Variants in COL22A1 observed in about 807,000 individuals in gnomAD.
COL22A1 encodes the protein collagen alpha-1(XXII) chain.
A neutral mutation model predicts 248.9 loss-of-function variants in COL22A1; 221 were observed. The ratio of observed to expected loss-of-function variants is 0.89; its 90% confidence interval spans 0.80 to 0.99. The LOEUF (loss-of-function observed/expected upper bound fraction) is 0.99. Among genes scored for constraint, COL22A1 ranks in the 50% least tolerant of loss-of-function variants. The pLI, the probability that COL22A1 is intolerant of heterozygous loss-of-function variation, is 0.00. For synonymous variants in COL22A1, 891 were observed against 793.4 expected (o/e 1.12, Z -2.07); for missense variants, 2,240 against 2,179.0 (o/e 1.03, Z -0.56).
At chr8:138,877,424 G>C (rs1284404401) in intron 3 of COL22A1, among the ~76,000 whole-genome samples, 2 of 152,188 alleles carry the variant, frequency 1.3e-5, no homozygotes, top group Non-Finnish European at 2.9e-5. Context: ...GTAAAGATGA[G>C]ACACCAAGTA....
chr8:138,867,688 G>A (rs1823001608), intron 3 of COL22A1, among the ~76,000 whole-genome samples: 1 of 152,232 alleles, frequency 6.6e-6, no homozygotes, highest in African/African-American at 2.4e-5. Flanking sequence ...GACTGTGCCA[G>A]GCTGCAGTGG....
intron 3 of COL22A1, among the ~76,000 whole-genome samples, chr8:138,869,660 C>T (rs1000290828): frequency 2.0e-5 from 3 of 152,200 alleles, no homozygotes; most frequent in Non-Finnish European, 2.9e-5. Flanking sequence ...TAAAATTTCA[C>T]AGCACATAAT....
rs765721357 is a variant in COL22A1 at position 138,755,858 on chromosome 8, T to C, written c.1903-29A>G. 4 of 1,607,428 alleles carry C rather than the reference T, an allele frequency of 2.5e-6. No homozygotes were observed. In the Admixed American group the frequency reaches 5.0e-5, roughly 20 times the overall value. ...CACAGAAACGACAAACATTTCAGCA[T>C]AGTTACTGGTGCCACCTTCTGTGGC... On this transcript the variant is annotated intron_variant, in intron 18 of 64. Transcript: ENST00000303045.
chr8:138,773,967 C>T (rs895567560), intron 16 of COL22A1, among the ~76,000 whole-genome samples: 4 of 152,192 alleles, frequency 2.6e-5, no homozygotes, highest in African/African-American at 9.6e-5. Context: ...GACCCCTGCT[C>T]CCTCCAGCAC....
At position 138,619,519 on chromosome 8, in the gene COL22A1, G is replaced by C. The variant is rs770025846; in HGVS notation, c.3772-11C>G. The C allele has an allele frequency of 6.2e-7, 1 of 1,613,654 alleles. No individual in the cohort carries two copies. The highest frequency in any genetic ancestry group is 1.7e-5 in the Admixed American group (1 of 60,016). The stretch of plus-strand genomic sequence containing the variant: ...CTCTCCTGCTTTGCCCTGAGAGTAA[G>C]GAAGAAAAGAAGAGTTTGAGGACAA... On this transcript the variant is annotated splice_polypyrimidine_tract_variant and intron_variant, in intron 52 of 64. Coordinates refer to ENST00000303045, the MANE Select transcript of COL22A1 (RefSeq NM_152888.3).
At position 138,812,886 on chromosome 8, in the gene COL22A1, T is replaced by A. The variant is rs1442777359; in HGVS notation, c.1326+53A>T. ...CTAAGCTCTGGATTCCCCTTCCCTC[T>A]GGAGGCCACACACCCATTTCCTCCC... On this transcript the variant is annotated intron_variant, in intron 8 of 64. Coordinates refer to ENST00000303045, the MANE Select transcript of COL22A1 (RefSeq NM_152888.3). 2.2e-6 allele frequency: 3 copies of A among 1,349,020 alleles called. No individual in the cohort carries two copies. In the African/African-American group the frequency reaches 4.3e-5, roughly 19 times the overall value. 83.6% of individuals were successfully genotyped at this position (1,349,020 alleles called of 1,614,324 possible).
At chr8:138,659,555 C>T (rs185523569) in intron 44 of COL22A1, among the ~76,000 whole-genome samples, 3 of 152,310 alleles carry the variant, frequency 2.0e-5, no homozygotes, top group Non-Finnish European at 2.9e-5. Context: ...GCAGCTTCTT[C>T]CCAAGGACTC....
At chr8:138,658,908 T>G (rs546752928) in intron 44 of COL22A1, among the ~76,000 whole-genome samples, 1 of 149,960 alleles carries the variant, frequency 6.7e-6, no homozygotes, top group Admixed American at 6.6e-5. Flanking sequence ...CCTCTCTCTC[T>G]CTCCCCTCAG....
intron 39 of COL22A1, among the ~76,000 whole-genome samples, chr8:138,684,219 G>C (rs550110740): frequency 3.4e-5 from 5 of 148,968 alleles, no homozygotes; most frequent in African/African-American, 1.2e-4. Flanking sequence ...AGCTGAGATC[G>C]CACCACTGCA....
rs1393888558 is a variant in COL22A1 at position 138,602,614 on chromosome 8, T to C, written c.4141-455A>G. On this transcript the variant is annotated intron_variant, in intron 59 of 64. Coordinates refer to ENST00000303045, the MANE Select transcript of COL22A1 (RefSeq NM_152888.3). ...CCCACCTCTCTGTCCGGATACCTAC[T>C]TCCCACCTGGCCTGCAGGTCTCCTC... Among the ~76,000 whole-genome samples the C allele has an allele frequency of 2.6e-5, 4 of 152,260 alleles. No homozygotes were observed. The East Asian group carries it at 5.8e-4, about 22-fold the overall frequency.
intron 14 of COL22A1, among the ~76,000 whole-genome samples, chr8:138,778,654 T>C (rs375114023): frequency 2.1e-4 from 32 of 152,292 alleles, no homozygotes; most frequent in African/African-American, 7.7e-4. Flanking sequence ...TTCTCTTGAC[T>C]TCAAGAAACA....
chr8:138,774,710 C>T (rs1453403833), intron 16 of COL22A1, among the ~76,000 whole-genome samples: 4 of 152,156 alleles, frequency 2.6e-5, no homozygotes, highest in Non-Finnish European at 4.4e-5. Flanking sequence ...TGAGCCACTG[C>T]GCCCAGCAGC....
At chr8:138,796,690 C>G in intron 12 of COL22A1, 129 bp downstream of exon 12, 1 of 716,090 alleles carries the variant, frequency 1.4e-6, no homozygotes, top group Non-Finnish European at 2.5e-6. Context: ...GCCAGTTACA[C>G]AGCCCAGGAC....
At chr8:138,867,206 T>C (rs1822966015) in intron 3 of COL22A1, among the ~76,000 whole-genome samples, 1 of 152,112 alleles carries the variant, frequency 6.6e-6, no homozygotes, top group Non-Finnish European at 1.5e-5. Flanking sequence ...ATTTGTAAAA[T>C]TGGTTTCTGG....
intron 28 of COL22A1, 151 bp from the exon 29 acceptor site, chr8:138,716,440 G>T: frequency 1.6e-6 from 1 of 627,264 alleles, no homozygotes; most frequent in Non-Finnish European, 2.8e-6. Context: ...TGGAGAAAGC[G>T]GAATTCTAGA....
At chr8:138,888,940 G>A (rs1824859456) in intron 1 of COL22A1, among the ~76,000 whole-genome samples, 2 of 152,170 alleles carry the variant, frequency 1.3e-5, no homozygotes, top group Non-Finnish European at 2.9e-5. Flanking sequence ...TGCTGTTATA[G>A]TATCATATTA....
rs1410256929 is a variant in COL22A1 at position 138,664,205 on chromosome 8, G to GCA, written c.3151-466_3151-465insTG. On this transcript the variant is annotated intron_variant, in intron 41 of 64. Coordinates refer to ENST00000303045, the MANE Select transcript of COL22A1 (RefSeq NM_152888.3). ...TCTCCAACAAGGGGTGCGCGCGCGCGCGCGCACACACACACACACACACAC... is the reference window on the plus strand; with the variant it reads ...TCTCCAACAAGGGGTGCGCGCGCGCGCACGCGCACACACACACACACACACAC... Among the ~76,000 whole-genome samples the GCA allele has an allele frequency of 2.8e-3, 267 of 96,960 alleles. 1 individual carries two copies. Among genetic ancestry groups the GCA allele is most frequent in the Non-Finnish European group, 3.7e-3 (167 of 45,094 alleles). The allele number at this position is 96,960 out of a possible 152,430, so 63.6% of individuals were successfully genotyped here.
intron 30 of COL22A1, among the ~76,000 whole-genome samples, chr8:138,709,021 A>G (rs1320355748): frequency 1.3e-5 from 2 of 152,230 alleles, no homozygotes; most frequent in Non-Finnish European, 2.9e-5. Context: ...TATGCAGCCA[A>G]CAGACACATG....
chr8:138,782,905 C>T (rs896796723), intron 12 of COL22A1, among the ~76,000 whole-genome samples: 2 of 152,194 alleles, frequency 1.3e-5, no homozygotes, highest in African/African-American at 4.8e-5. Context: ...CACCATAAGC[C>T]TCTGGGGATG....
Sources: gnomAD v4.1 joint callset for allele counts (sites outside exome capture counted in the v4.1 genomes callset) on GRCh38, gnomAD v4.1.1 for gene constraint, MANE v1.5 for transcripts, NCBI Gene and HGNC (gene_info 2026-07-23, HGNC 2026-07-21) for gene names.